The following ALOX5 variants were observed in gnomAD, a reference collection of about 807,000 sequenced individuals.
The protein encoded by ALOX5 is polyunsaturated fatty acid 5-lipoxygenase.
ALOX5 carries 64 observed loss-of-function variants against 87.9 expected under a neutral mutation model. That is an observed-to-expected ratio of 0.73 (90% CI 0.60 to 0.90). The LOEUF (loss-of-function observed/expected upper bound fraction) is 0.90. ALOX5 is among the 40% of genes least tolerant of loss of function. ALOX5 has a pLI of 0.00. For missense variants in ALOX5, 822 were observed against 907.5 expected (o/e 0.91, Z 1.21); for synonymous variants, 388 against 355.1 (o/e 1.09, Z -1.04).
chr10:45,430,442 A>G (rs1329872615), intron 7 of ALOX5, among the ~76,000 whole-genome samples: 2 of 152,132 alleles, frequency 1.3e-5, no homozygotes, highest in Non-Finnish European at 2.9e-5. Context: ...AAAAAAATGC[A>G]AGATTCGGAA....
intron 4 of ALOX5, 132 bp downstream of exon 4, chr10:45,412,445 ATAT>A: frequency 8.1e-7 from 1 of 1,239,850 alleles, no homozygotes; most frequent in Non-Finnish European, 1.1e-6. Context: ...CGCTTTGATG[ATAT>A]GTTGGCCATA....
rs905951131 is a variant in ALOX5, at chr10:45,386,923, C to T, written c.349+4242C>T. Among the ~76,000 whole-genome samples the T allele has an allele frequency of 7.2e-5, 11 of 152,288 alleles. 1 individual carries two copies. Among genetic ancestry groups the T allele is most frequent in the Middle Eastern group, 6.8e-3 (2 of 294 alleles). ...CTGCTCCAACTCCTGCAGTGAGAGA[C>T]GGCAGCAGGACAGGCTGAGAGATAA... On this transcript the variant is annotated intron_variant, in intron 2 of 13. Coordinates refer to ENST00000374391, the MANE Select transcript of ALOX5 (RefSeq NM_000698.5).
At chr10:45,386,878 C>T (rs187543349) in intron 2 of ALOX5, among the ~76,000 whole-genome samples, 5 of 152,194 alleles carry the variant, frequency 3.3e-5, no homozygotes, top group Admixed American at 2.6e-4. Flanking sequence ...GAAGCAGCCC[C>T]GCCCTTAGCT....
At chr10:45,433,445 A>G (rs1052997224) in intron 7 of ALOX5, among the ~76,000 whole-genome samples, 1 of 152,192 alleles carries the variant, frequency 6.6e-6, no homozygotes, top group African/African-American at 2.4e-5. Context: ...CCAAACACTG[A>G]GATTGGGATA....
At chr10:45,418,620 G>GC (rs1251872222) in intron 4 of ALOX5, among the ~76,000 whole-genome samples, 1 of 152,140 alleles carries the variant, frequency 6.6e-6, no homozygotes, top group Admixed American at 6.5e-5. Context: ...GCAGCCGGGG[G>GC]CCATCTGACC....
chr10:45,389,110 G>C (rs1376366289), intron 2 of ALOX5, among the ~76,000 whole-genome samples: 1 of 152,180 alleles, frequency 6.6e-6, no homozygotes, highest in Non-Finnish European at 1.5e-5. Context: ...AAGATCAAAT[G>C]AATGAAATGA....
chr10:45,435,443 A>C (rs2132839097), intron 7 of ALOX5, among the ~76,000 whole-genome samples: 1 of 152,006 alleles, frequency 6.6e-6, no homozygotes, highest in South Asian at 2.1e-4. Context: ...TGGAGTCCCC[A>C]GTGTCTTTTG....
At chr10:45,421,096 C>G (rs893763910) in intron 4 of ALOX5, among the ~76,000 whole-genome samples, 12 of 152,218 alleles carry the variant, frequency 7.9e-5, no homozygotes, top group South Asian at 2.1e-4. Context: ...AGCCTGGTGC[C>G]CTCTCTGGCT....
intron 2 of ALOX5, among the ~76,000 whole-genome samples, chr10:45,384,797 A>T (rs1327745556): frequency 6.6e-6 from 1 of 151,376 alleles, no homozygotes; most frequent in Non-Finnish European, 1.5e-5. Context: ...AGACCCCCCC[A>T]TCTCTCAATG....
At chr10:45,420,880 A>G (rs1404680686) in intron 4 of ALOX5, among the ~76,000 whole-genome samples, 3 of 152,326 alleles carry the variant, frequency 2.0e-5, no homozygotes, top group Middle Eastern at 3.4e-3. Context: ...CTTCCCAGTG[A>G]GGCGGGACAG....
chr10:45,384,180 GAGCTGCGGCCCTCAGTAGAA>G (rs1839937315), intron 2 of ALOX5, among the ~76,000 whole-genome samples: 1 of 152,154 alleles, frequency 6.6e-6, no homozygotes, highest in East Asian at 1.9e-4. Flanking sequence ...ACCCTTGGAG[GAGCTGCGGCCCTCAGTAGAA>G]AGGTTCTGGG....
intron 2 of ALOX5, 55 bp downstream of exon 2, chr10:45,382,736 C>T: frequency 6.4e-7 from 1 of 1,555,492 alleles, no homozygotes; most frequent in Non-Finnish European, 8.7e-7. Flanking sequence ...AAAGTTCTTC[C>T]TGTCCTCAAA....
At chr10:45,393,441 A>C (rs565734011) in intron 2 of ALOX5, among the ~76,000 whole-genome samples, 35 of 152,344 alleles carry the variant, frequency 2.3e-4, no homozygotes, top group Non-Finnish European at 4.3e-4. Flanking sequence ...TTAGGTATTG[A>C]TGGGACGTAT....
At chr10:45,383,704 T>TA (rs1839921417) in intron 2 of ALOX5, among the ~76,000 whole-genome samples, 1 of 152,218 alleles carries the variant, frequency 6.6e-6, no homozygotes, top group Non-Finnish European at 1.5e-5. Context: ...CTGCTGTTCT[T>TA]AAGCTACCAG....
At chr10:45,386,039 C>T (rs1379337183) in intron 2 of ALOX5, among the ~76,000 whole-genome samples, 1 of 151,562 alleles carries the variant, frequency 6.6e-6, no homozygotes, top group African/African-American at 2.4e-5. Context: ...CCCATCTCTA[C>T]AAAAAAAATT....
intron 3 of ALOX5, 143 bp downstream of exon 3, chr10:45,396,079 A>G: frequency 4.1e-6 from 3 of 727,248 alleles, no homozygotes; most frequent in Non-Finnish European, 6.9e-6. Flanking sequence ...GTGTGGGTGC[A>G]CAATCCCCAA....
chr10:45,379,201 G>A (rs1041785611), intron 1 of ALOX5, among the ~76,000 whole-genome samples: 2 of 152,116 alleles, frequency 1.3e-5, no homozygotes, highest in East Asian at 3.9e-4. Flanking sequence ...GGTACTGGGA[G>A]CCTCCCTCCC....
chr10:45,444,428 C>T, intron 13 of ALOX5, 142 bp downstream of exon 13: 1 of 1,177,314 alleles, frequency 8.5e-7, no homozygotes, highest in Non-Finnish European at 1.2e-6. Context: ...GCCCAGAAGG[C>T]TGCAGCCGCC....
At chr10:45,389,070 A>G (rs1321365426) in intron 2 of ALOX5, among the ~76,000 whole-genome samples, 1 of 152,248 alleles carries the variant, frequency 6.6e-6, no homozygotes, top group Non-Finnish European at 1.5e-5. Flanking sequence ...AGCCGATTCG[A>G]TCAACTGTAA....
Sources: allele counts gnomAD v4.1 joint callset (sites outside exome capture counted in the v4.1 genomes callset), GRCh38; gene constraint gnomAD v4.1.1; transcripts MANE v1.5; gene names NCBI Gene and HGNC (gene_info 2026-07-23, HGNC 2026-07-21).